Variants in STXBP4 observed in about 807,000 individuals in gnomAD.
STXBP4 encodes syntaxin-binding protein 4.
Under a neutral mutation model 76.1 loss-of-function variants are expected in STXBP4, and 55 were observed. That is an observed-to-expected ratio of 0.72 (90% CI 0.58 to 0.91). STXBP4 has a LOEUF of 0.91. Among genes scored for constraint, STXBP4 ranks in the 40% least tolerant of loss-of-function variants. STXBP4 has a pLI of 0.00. For missense variants in STXBP4, 618 were observed against 636.9 expected (o/e 0.97, Z 0.32); for synonymous variants, 201 against 220.2 (o/e 0.91, Z 0.77).
chr17:55,175,021 C>CA (rs113547228), downstream of STXBP4, among the ~76,000 whole-genome samples: 7,512 of 146,270 alleles, frequency 0.051, 313 homozygotes, highest in East Asian at 0.15. Context: ...GACTCCATCT[C>CA]AAAAAAAAAA....
intron 16 of STXBP4, among the ~76,000 whole-genome samples, chr17:55,086,395 G>A (rs1386144061): frequency 6.6e-6 from 1 of 151,990 alleles, no homozygotes; most frequent in Non-Finnish European, 1.5e-5. Flanking sequence ...TCCTTTGGTT[G>A]GGAACATTCA....
chr17:55,116,442 C>T (rs1455015228), intron 16 of STXBP4, among the ~76,000 whole-genome samples: 5 of 151,666 alleles, frequency 3.3e-5, no homozygotes, highest in African/African-American at 9.7e-5. Context: ...GCCAAATTTC[C>T]CCATTGTAAC....
chr17:55,061,799 T>C (rs2078997790), intron 12 of STXBP4, among the ~76,000 whole-genome samples: 1 of 152,210 alleles, frequency 6.6e-6, no homozygotes, highest in Non-Finnish European at 1.5e-5. Context: ...TCTAGATTCT[T>C]GTGTGTATCT....
chr17:55,084,816 G>C (rs2079303219), intron 16 of STXBP4, among the ~76,000 whole-genome samples: 1 of 152,180 alleles, frequency 6.6e-6, no homozygotes, highest in South Asian at 2.1e-4. Context: ...ATTTCTGAGG[G>C]CTCTGTTCTG....
the STXBP4 span, among the ~76,000 whole-genome samples, chr17:55,202,556 A>C: frequency 6.6e-6 from 1 of 152,258 alleles, no homozygotes; most frequent in East Asian, 1.9e-4. Flanking sequence ...TGTCTTGCTC[A>C]GGGCAACACA....
chr17:54,976,727 G>A (rs2077479284), intron 1 of STXBP4, among the ~76,000 whole-genome samples: 1 of 152,110 alleles, frequency 6.6e-6, no homozygotes, highest in Non-Finnish European at 1.5e-5. Context: ...TTATGAATTA[G>A]GCATATGAGT....
Position 55,061,646 on chromosome 17 carries a change from C to T in STXBP4, c.1012-11254C>T, listed in dbSNP as rs544123300. Among the ~76,000 whole-genome samples, 14 of 152,322 alleles carry T rather than the reference C, an allele frequency of 9.2e-5. 1 individual carries two copies. Among genetic ancestry groups the T allele is most frequent in the Middle Eastern group, 6.8e-3 (2 of 294 alleles). ...TATTGCCACAGCCACATCCTACCTG[C>T]TCCCCTAACACCTGGCAAACACTAA... is the stretch of plus-strand genomic sequence containing the variant. On this transcript the variant is annotated intron_variant, in intron 12 of 17. Coordinates refer to ENST00000376352, the MANE Select transcript of STXBP4 (RefSeq NM_178509.6).
At chr17:55,128,789 T>C (rs575456338) in intron 16 of STXBP4, among the ~76,000 whole-genome samples, 1 of 152,156 alleles carries the variant, frequency 6.6e-6, no homozygotes, top group South Asian at 2.1e-4. Flanking sequence ...CTACTTTTAC[T>C]ATTTTTGTAG....
At chr17:55,008,856 G>A (rs1263437936) in intron 8 of STXBP4, among the ~76,000 whole-genome samples, 2 of 152,172 alleles carry the variant, frequency 1.3e-5, no homozygotes, top group Non-Finnish European at 2.9e-5. Context: ...AGGTAAGAAA[G>A]ACCTTCCGGC....
intron 16 of STXBP4, among the ~76,000 whole-genome samples, chr17:55,098,484 G>A (rs2079522476): frequency 6.6e-6 from 1 of 152,120 alleles, no homozygotes. Context: ...GTAGCTCTCT[G>A]CAAACCCATA....
chr17:54,991,555 C>G (rs2077716894), intron 4 of STXBP4: 1 of 152,104 alleles, frequency 6.6e-6, no homozygotes, highest in Admixed American at 6.5e-5. Flanking sequence ...ACAACCCCAG[C>G]AGTTTAACAA....
Position 55,078,698 on chromosome 17 carries a change from G to A in STXBP4, c.1318G>A (p.Val440Ile). 1.3e-6 allele frequency: 2 copies of A among 1,568,008 alleles called. No individual in the cohort carries two copies. Among genetic ancestry groups the A allele is most frequent in the Non-Finnish European group, 1.8e-6 (2 of 1,140,124 alleles). Residue 440 changes from valine to isoleucine, a missense_variant, in exon 15 of 18, where the codon GTA becomes ATA. Val to Ile is a conservative substitution (Grantham distance 29). Coordinates refer to ENST00000376352, the MANE Select transcript of STXBP4 (RefSeq NM_178509.6). ...LLHFVEAIQE[V>I]FSDNSTPLSN... ...TGTTTGTTGCTAGGCTATTCAAGAAGTATTTTCTGATAATTCTACTCCTTT... is the reference window on the plus strand; with the variant it reads ...TGTTTGTTGCTAGGCTATTCAAGAAATATTTTCTGATAATTCTACTCCTTT...
chr17:55,061,111 A>G (rs559522794), intron 12 of STXBP4, among the ~76,000 whole-genome samples: 20 of 152,336 alleles, frequency 1.3e-4, no homozygotes, highest in African/African-American at 4.8e-4. Context: ...AGGTCAAATC[A>G]ACACAGGATT....
chr17:54,980,618 T>C (rs2077536931), intron 1 of STXBP4, among the ~76,000 whole-genome samples: 1 of 152,142 alleles, frequency 6.6e-6, no homozygotes, highest in Non-Finnish European at 1.5e-5. Context: ...AATGAAGGAG[T>C]GGCCTGCAGC....
In STXBP4 at chr17:55,161,256, A is replaced by T. The variant is rs1222471616; in HGVS notation, c.*1345A>T. 1 of 152,210 alleles carries T rather than the reference A, an allele frequency of 6.6e-6. No homozygotes were observed. Among genetic ancestry groups the T allele is most frequent in the African/African-American group, 2.4e-5 (1 of 41,452 alleles). The allele number at this position is 152,210 out of a possible 1,614,324, so 9.4% of individuals were successfully genotyped here. On this transcript the variant is annotated 3_prime_UTR_variant, in exon 18 of 18. Coordinates refer to ENST00000376352, the MANE Select transcript of STXBP4 (RefSeq NM_178509.6). ...TGATTTATGTCTTGAGTAATAATAT[A>T]AAGTCAACTCCAGACTGATAGGTAG...
At chr17:55,114,224 T>G (rs2079756347) in intron 16 of STXBP4, among the ~76,000 whole-genome samples, 1 of 152,096 alleles carries the variant, frequency 6.6e-6, no homozygotes, top group Non-Finnish European at 1.5e-5. Flanking sequence ...ACAAATATAA[T>G]CTGGGTTGGA....
At chr17:55,116,576 T>C (rs1317413196) in intron 16 of STXBP4, among the ~76,000 whole-genome samples, 1 of 151,846 alleles carries the variant, frequency 6.6e-6, no homozygotes, top group African/African-American at 2.4e-5. Context: ...GTGGTTACCC[T>C]TAGCACACAC....
intron 16 of STXBP4, among the ~76,000 whole-genome samples, chr17:55,108,276 C>A (rs2079661018): frequency 6.6e-6 from 1 of 152,182 alleles, no homozygotes; most frequent in South Asian, 2.1e-4. Context: ...CTCCAGCATC[C>A]CAGGTCAACT....
chr17:55,032,327 A>G (rs1193080493), intron 9 of STXBP4, among the ~76,000 whole-genome samples: 2 of 152,200 alleles, frequency 1.3e-5, no homozygotes, highest in African/African-American at 4.8e-5. Flanking sequence ...TCATCCCAAA[A>G]TAATAATGAA....
Sources: gnomAD v4.1 joint callset for allele counts (sites outside exome capture counted in the v4.1 genomes callset) on GRCh38, gnomAD v4.1.1 for gene constraint, MANE v1.5 for transcripts, NCBI Gene and HGNC (gene_info 2026-07-23, HGNC 2026-07-21) for gene names.